The following DPP10 variants were observed in gnomAD, a reference collection of about 807,000 sequenced individuals.
DPP10 encodes dipeptidyl peptidase like 10.
A neutral mutation model predicts 120.9 loss-of-function variants in DPP10; 33 were observed. The ratio of observed to expected loss-of-function variants is 0.27; its 90% CI spans 0.21 to 0.37. DPP10 has a LOEUF of 0.37. Ranked by LOEUF, DPP10 falls within the 10% of genes least tolerant of loss-of-function variation. DPP10 has a pLI of 1.00. For synonymous variants in DPP10, 337 were observed against 326.1 expected, an observed-to-expected ratio of 1.03 and a Z score of -0.36; for missense variants, 816 against 942.8, an observed-to-expected ratio of 0.87 and a Z score of 1.76.
chr2:114,583,827 G>A (rs1690731782), intron 1 of DPP10, among the ~76,000 whole-genome samples: 1 of 152,118 alleles, frequency 6.6e-6, no homozygotes, highest in South Asian at 2.1e-4. Context: ...ATGAGATACG[G>A]AGTAACCTCT....
intron 1 of DPP10, among the ~76,000 whole-genome samples, chr2:115,270,885 ATTG>A (rs781205102): frequency 6.9e-6 from 1 of 145,880 alleles, no homozygotes; most frequent in African/African-American, 2.6e-5. Flanking sequence ...TGTTCTTTAT[ATTG>A]TTTTTTTTTA....
chr2:115,113,428 G>A (rs141002503), intron 1 of DPP10, among the ~76,000 whole-genome samples: 5 of 151,478 alleles, frequency 3.3e-5, no homozygotes, highest in African/African-American at 9.7e-5. Context: ...TCTTAGACAC[G>A]TTTTTTGCTC....
intron 3 of DPP10, among the ~76,000 whole-genome samples, chr2:115,436,158 A>G (rs1558656263): frequency 6.6e-6 from 1 of 151,876 alleles, no homozygotes; most frequent in African/African-American, 2.4e-5. Flanking sequence ...AATGCAAAAT[A>G]ATGTATTGGG....
At chr2:114,739,800 G>T (rs370730046) in intron 1 of DPP10, among the ~76,000 whole-genome samples, 119 of 152,254 alleles carry the variant, frequency 7.8e-4, no homozygotes, top group Non-Finnish European at 1.2e-3. Flanking sequence ...CAAACTAAGA[G>T]CCCCTCATTC....
intron 21 of DPP10, among the ~76,000 whole-genome samples, chr2:115,818,271 C>T (rs995971522): frequency 3.3e-5 from 5 of 152,250 alleles, no homozygotes; most frequent in African/African-American, 4.8e-5. Context: ...CCTGACACTA[C>T]GAAACTGTGT....
At chr2:115,729,719 G>A (rs752317996) in intron 8 of DPP10, among the ~76,000 whole-genome samples, 1 of 152,178 alleles carries the variant, frequency 6.6e-6, no homozygotes, top group African/African-American at 2.4e-5. Context: ...AGACTGCAAT[G>A]AGCTATGATC....
intron 1 of DPP10, among the ~76,000 whole-genome samples, chr2:114,628,795 G>T (rs1348458467): frequency 6.6e-6 from 1 of 152,092 alleles, no homozygotes; most frequent in Non-Finnish European, 1.5e-5. Flanking sequence ...TAACTCTCTG[G>T]ATGCTCAGAG....
chr2:114,714,182 G>A (rs866036657), intron 1 of DPP10, among the ~76,000 whole-genome samples: 2 of 151,466 alleles, frequency 1.3e-5, no homozygotes, highest in Admixed American at 6.6e-5. Flanking sequence ...GAGTATTCTC[G>A]GGAGTTTCCT....
intron 1 of DPP10, among the ~76,000 whole-genome samples, chr2:114,827,891 T>G (rs1321141364): frequency 6.6e-6 from 1 of 152,212 alleles, no homozygotes. Context: ...TTTTCAGATA[T>G]GAGCAAAATA....
chr2:115,138,815 A>C lies in DPP10; in HGVS notation c.61-170424A>C, dbSNP rs536931238. Among the ~76,000 whole-genome samples the C allele has an allele frequency of 7.2e-4, 110 of 152,290 alleles. No individual in the cohort carries two copies. The Middle Eastern group carries it at 0.014, about 19-fold the overall frequency. On this transcript the variant is annotated intron_variant, in intron 1 of 25. Transcript: ENST00000410059. ...TAGATGCCATCAGAATACTCGATCA[A>C]TATCTGTTTATTCAGATTTAAGCTC...
chr2:114,794,165 G>C (rs142892193), intron 1 of DPP10, among the ~76,000 whole-genome samples: 3 of 152,086 alleles, frequency 2.0e-5, no homozygotes, highest in African/African-American at 7.2e-5. Flanking sequence ...TTTCCACCTG[G>C]GGCTTTGTCT....
intron 21 of DPP10, among the ~76,000 whole-genome samples, chr2:115,827,318 C>CATGTATATGTATAAGTAT (rs1688430745): frequency 7.3e-6 from 1 of 137,790 alleles, no homozygotes; most frequent in Non-Finnish European, 1.5e-5. Flanking sequence ...TACACATGTA[C>CATGTATATGTATAAGTAT]ATGTATATGT....
At chr2:115,280,131 G>C (rs1238720204) in intron 1 of DPP10, among the ~76,000 whole-genome samples, 1 of 152,132 alleles carries the variant, frequency 6.6e-6, no homozygotes, top group African/African-American at 2.4e-5. Context: ...ATAATAGGTT[G>C]AAAGACATGT....
chr2:115,393,747 G>T (rs1161656330), intron 3 of DPP10, among the ~76,000 whole-genome samples: 1 of 152,176 alleles, frequency 6.6e-6, no homozygotes, highest in Non-Finnish European at 1.5e-5. Context: ...TAAAGAGGTA[G>T]ATCAAATTTT....
intron 3 of DPP10, among the ~76,000 whole-genome samples, chr2:115,425,414 A>G (rs1280777670): frequency 3.3e-5 from 5 of 152,174 alleles, no homozygotes; most frequent in Non-Finnish European, 5.9e-5. Flanking sequence ...ATCTAATATT[A>G]TAGTTTCTAA....
At chr2:115,523,012 A>G (rs1202976326) in intron 4 of DPP10, among the ~76,000 whole-genome samples, 5 of 152,124 alleles carry the variant, frequency 3.3e-5, no homozygotes, top group Non-Finnish European at 5.9e-5. Context: ...AAGATTTCCA[A>G]CATCTTCTGG....
chr2:115,118,981 C>G (rs1408884705), intron 1 of DPP10, among the ~76,000 whole-genome samples: 3 of 152,118 alleles, frequency 2.0e-5, no homozygotes, highest in Non-Finnish European at 4.4e-5. Context: ...GAAAGCAAGT[C>G]AAGTACACTA....
At chr2:115,364,146 T>G (rs2064947205) in intron 3 of DPP10, among the ~76,000 whole-genome samples, 1 of 152,122 alleles carries the variant, frequency 6.6e-6, no homozygotes, top group Non-Finnish European at 1.5e-5. Context: ...ATAAAAGATC[T>G]GCTTTTTTTT....
chr2:114,834,375 ACATATCTACACACCTATGTATATATAAGC>A lies in DPP10; in HGVS notation c.60+391587_60+391615del, dbSNP rs1387940668. Among the ~76,000 whole-genome samples, 197 of 142,254 alleles carry A rather than the reference ACATATCTACACACCTATGTATATATAAGC, an allele frequency of 1.4e-3. 1 individual carries two copies. Among genetic ancestry groups the A allele is most frequent in the East Asian group, 7.3e-3 (34 of 4,668 alleles). The allele number at this position is 142,254 out of a possible 152,430, so 93.3% of individuals were successfully genotyped here. On this transcript the variant is annotated intron_variant, in intron 1 of 25. Coordinates refer to ENST00000410059, the MANE Select transcript of DPP10 (RefSeq NM_020868.6). ...GTCTACACACCTATGTATATAAAAG[ACATATCTACACACCTATGTATATATAAGC>A]CATATCTACACACCTATGTATATAT...
Sources: gnomAD v4.1 joint callset for allele counts (sites outside exome capture counted in the v4.1 genomes callset) on GRCh38, gnomAD v4.1.1 for gene constraint, MANE v1.5 for transcripts, NCBI Gene and HGNC (gene_info 2026-07-23, HGNC 2026-07-21) for gene names.